KCNH7: variants seen among roughly 807,000 people sequenced by gnomAD.
The protein encoded by KCNH7 is voltage-gated inwardly rectifying potassium channel KCNH7.
In KCNH7, 49 loss-of-function variants were observed where a neutral mutation model predicts 120.8. That is an observed-to-expected ratio of 0.41 (90% confidence interval 0.32 to 0.51). The LOEUF (loss-of-function observed/expected upper bound fraction) is 0.51. Ranked by LOEUF, KCNH7 falls within the 20% of genes least tolerant of loss-of-function variation. The pLI is 0.38. For synonymous variants in KCNH7, 547 were observed against 516.1 expected, an observed-to-expected ratio of 1.06 and a Z score of -0.81; for missense variants, 1,097 against 1,446.6, an observed-to-expected ratio of 0.76 and a Z score of 3.92.
chr2:162,604,717 T>G (rs1004312909), intron 2 of KCNH7, among the ~76,000 whole-genome samples: 4 of 152,220 alleles, frequency 2.6e-5, no homozygotes, highest in Admixed American at 2.6e-4. Context: ...TTGTCTTACT[T>G]CAACTCTATT....
At chr2:162,529,083 A>T (rs1691823216) in intron 3 of KCNH7, among the ~76,000 whole-genome samples, 1 of 152,002 alleles carries the variant, frequency 6.6e-6, no homozygotes, top group Non-Finnish European at 1.5e-5. Flanking sequence ...ATCGCCCAGA[A>T]ATACTAAAAT....
At chr2:162,734,902 A>G (rs1687847058) in intron 2 of KCNH7, among the ~76,000 whole-genome samples, 2 of 152,168 alleles carry the variant, frequency 1.3e-5, no homozygotes, top group South Asian at 4.1e-4. Flanking sequence ...AAATGAAAGC[A>G]ACAAACTTAG....
At chr2:162,577,348 C>CTATCCATCCTAT (rs1257647069) in intron 2 of KCNH7, among the ~76,000 whole-genome samples, 3 of 131,356 alleles carry the variant, frequency 2.3e-5, no homozygotes, top group African/African-American at 8.6e-5. Context: ...ATCTATCCAT[C>CTATCCATCCTAT]CTATCTATCT....
intron 2 of KCNH7, among the ~76,000 whole-genome samples, chr2:162,549,791 A>G (rs1171297580): frequency 6.6e-6 from 1 of 152,220 alleles, no homozygotes; most frequent in Non-Finnish European, 1.5e-5. Context: ...TTTGCTAGAG[A>G]TTAATAAAAC....
chr2:162,678,373 T>A (rs1015722615), intron 2 of KCNH7, among the ~76,000 whole-genome samples: 10 of 151,404 alleles, frequency 6.6e-5, no homozygotes, highest in African/African-American at 1.9e-4. Flanking sequence ...AATGATGATA[T>A]CCCTGAACTA....
intron 6 of KCNH7, among the ~76,000 whole-genome samples, chr2:162,471,259 A>T (rs1689516862): frequency 6.6e-6 from 1 of 152,116 alleles, no homozygotes. Context: ...AAAAAAAAAA[A>T]AAAAAGGTAG....
intron 3 of KCNH7, among the ~76,000 whole-genome samples, chr2:162,535,165 A>G (rs1479861582): frequency 6.6e-6 from 1 of 151,740 alleles, no homozygotes; most frequent in Admixed American, 6.6e-5. Flanking sequence ...AGGCACTCGC[A>G]CAACAATCAG....
At position 162,458,104 on chromosome 2, in the gene KCNH7, C is replaced by CGTGTGTGT. The variant is rs139079136; in HGVS notation, c.1129-11669_1129-11662dup. ...ATTAAAATAGATATTTGGCTATGTG[C>CGTGTGTGT]GTGTGTGTGTGTGTGTGTGTGTGTG... On this transcript the variant is annotated intron_variant, in intron 6 of 15. Coordinates refer to ENST00000332142, the MANE Select transcript of KCNH7 (RefSeq NM_033272.4). Among the ~76,000 whole-genome samples, 771 of 130,908 alleles carry CGTGTGTGT rather than the reference C, an allele frequency of 5.9e-3. 9 individuals are homozygous for CGTGTGTGT. The highest frequency in any genetic ancestry group is 0.019 in the African/African-American group (700 of 36,166). The allele number at this position is 130,908 out of a possible 152,430, so 85.9% of individuals were successfully genotyped here. A position where few individuals can be genotyped will look rare whatever the true frequency, so the allele number is the denominator to read the frequency against.
chr2:162,511,057 A>AT (rs1447700435), intron 5 of KCNH7, among the ~76,000 whole-genome samples: 7 of 151,744 alleles, frequency 4.6e-5, no homozygotes, highest in African/African-American at 1.7e-4. Flanking sequence ...TTAAATTGTG[A>AT]TCGTAAAATT....
chr2:162,689,926 G>A (rs1686040490), intron 2 of KCNH7, among the ~76,000 whole-genome samples: 1 of 152,134 alleles, frequency 6.6e-6, no homozygotes, highest in East Asian at 1.9e-4. Context: ...AATGACACAT[G>A]CATGATGTTC....
At chr2:162,580,446 A>AC (rs1465086216) in intron 2 of KCNH7, among the ~76,000 whole-genome samples, 1 of 152,084 alleles carries the variant, frequency 6.6e-6, no homozygotes, top group African/African-American at 2.4e-5. Context: ...AAGAATATGA[A>AC]CAGGGGAGGC....
intron 2 of KCNH7, among the ~76,000 whole-genome samples, chr2:162,716,501 T>C (rs534642264): frequency 6.6e-6 from 1 of 152,206 alleles, no homozygotes; most frequent in Non-Finnish European, 1.5e-5. Context: ...TTCTTTCATC[T>C]CTGTTTCCTA....
chr2:162,765,431 G>A (rs1044118553), intron 2 of KCNH7, among the ~76,000 whole-genome samples: 10 of 152,116 alleles, frequency 6.6e-5, no homozygotes, highest in East Asian at 1.9e-4. Flanking sequence ...AACTCTTCTC[G>A]ATGGGTTTCA....
intron 2 of KCNH7, among the ~76,000 whole-genome samples, chr2:162,698,410 G>A (rs1686370481): frequency 6.7e-6 from 1 of 148,282 alleles, no homozygotes; most frequent in African/African-American, 2.5e-5. Flanking sequence ...TTGTTTTGTA[G>A]GATAACTTTA....
At chr2:162,437,767 T>C (rs1688292282) in intron 7 of KCNH7, among the ~76,000 whole-genome samples, 1 of 152,180 alleles carries the variant, frequency 6.6e-6, no homozygotes, top group Admixed American at 6.6e-5. Flanking sequence ...GCAGGAACTT[T>C]ATGTTGTGAA....
intron 2 of KCNH7, among the ~76,000 whole-genome samples, chr2:162,809,881 CT>C (rs1449579715): frequency 6.9e-6 from 1 of 144,752 alleles, no homozygotes; most frequent in African/African-American, 2.6e-5. Context: ...TTACAGAATT[CT>C]TTTGTAATCA....
At chr2:162,557,631 T>C (rs947172018) in intron 2 of KCNH7, among the ~76,000 whole-genome samples, 1 of 152,186 alleles carries the variant, frequency 6.6e-6, no homozygotes, top group Non-Finnish European at 1.5e-5. Context: ...CAATATATGA[T>C]GTCATTAACA....
intron 2 of KCNH7, among the ~76,000 whole-genome samples, chr2:162,701,870 G>T (rs908895607): frequency 1.2e-4 from 18 of 152,164 alleles, no homozygotes; most frequent in African/African-American, 4.3e-4. Context: ...AGCAGGGCAT[G>T]GTGGTACATG....
At chr2:162,575,742 C>T (rs1693648133) in intron 2 of KCNH7, among the ~76,000 whole-genome samples, 1 of 152,082 alleles carries the variant, frequency 6.6e-6, no homozygotes, top group Non-Finnish European at 1.5e-5. Flanking sequence ...TTCAAAACAA[C>T]AGCATCTATT....
Sources: allele counts gnomAD v4.1 joint callset (sites outside exome capture counted in the v4.1 genomes callset), GRCh38; gene constraint gnomAD v4.1.1; transcripts MANE v1.5; gene names NCBI Gene and HGNC (gene_info 2026-07-23, HGNC 2026-07-21).